Variants in RDH13 observed in about 807,000 individuals in gnomAD.
The protein encoded by RDH13 is retinol dehydrogenase 13 (all-trans and 9-cis).
Under a neutral mutation model 28.3 loss-of-function variants are expected in RDH13, and 35 were observed. The observed-to-expected ratio is 1.24, with a 90% CI of 0.95 to 1.64. RDH13 has a LOEUF of 1.64. RDH13 is among the 40% of genes most tolerant of loss of function. The probability of loss-of-function intolerance (pLI) is 0.00; values close to 1 mark genes in which losing one functional copy is unlikely to be tolerated. For synonymous variants in RDH13, 229 were observed against 198.5 expected (o/e 1.15, Z -1.29); for missense variants, 514 against 446.3 (o/e 1.15, Z -1.37).
chr19:55,047,078 G>A, intron 6 of RDH13: 2 of 1,242,980 alleles, frequency 1.6e-6, no homozygotes, highest in Non-Finnish European at 1.0e-6. Context: ...AGGAGGTGCA[G>A]CTGGTTTGGG....
rs1244063183 is a variant in RDH13, at chr19:55,048,554, T to C, written c.446-13A>G. On this transcript the variant is annotated splice_polypyrimidine_tract_variant and intron_variant, in intron 4 of 6. Coordinates refer to ENST00000415061, the MANE Select transcript of RDH13 (RefSeq NM_001145971.2). ...AAGAGAAAGTGACCTGGATTAAGGA[T>C]GATGAAAAGGTCACTTTTGACTCAC... 1.9e-6 allele frequency: 3 copies of C among 1,613,590 alleles called. No homozygotes were observed. In the Admixed American group the frequency reaches 5.0e-5, roughly 27 times the overall value.
At chr19:55,062,667 C>T (rs1335990708) in intron 1 of RDH13, among the ~76,000 whole-genome samples, 1 of 152,202 alleles carries the variant, frequency 6.6e-6, no homozygotes, top group Admixed American at 6.5e-5. Flanking sequence ...GCGACAGAGC[C>T]AGATTCTGCC....
chr19:55,051,983 C>T (rs759126390), intron 3 of RDH13, among the ~76,000 whole-genome samples: 9 of 151,774 alleles, frequency 5.9e-5, no homozygotes, highest in South Asian at 2.1e-4. Context: ...TCGCCCACCT[C>T]GGCCTCCCAA....
chr19:55,043,860 C>CT (rs1300905252), downstream of RDH13, among the ~76,000 whole-genome samples: 1 of 151,988 alleles, frequency 6.6e-6, no homozygotes, highest in East Asian at 1.9e-4. Flanking sequence ...GATGCCCGGA[C>CT]TTAAACGGTT....
chr19:55,068,173 C>G (rs943572466), intron 1 of RDH13, among the ~76,000 whole-genome samples: 2 of 151,070 alleles, frequency 1.3e-5, no homozygotes, highest in African/African-American at 4.9e-5. Flanking sequence ...TTTCCTTTGT[C>G]TCTCTCTCTC....
upstream of RDH13, chr19:55,063,297 C>A: frequency 2.6e-6 from 1 of 384,094 alleles, no homozygotes; most frequent in Non-Finnish European, 4.6e-6. Flanking sequence ...GTGGGCGTGG[C>A]TAGTCCGGGG....
intron 3 of RDH13, among the ~76,000 whole-genome samples, chr19:55,055,685 CAAAACAAT>C (rs749824289): frequency 1.9e-4 from 29 of 151,232 alleles, no homozygotes; most frequent in Non-Finnish European, 3.5e-4. Flanking sequence ...AAAAACAAAA[CAAAACAAT>C]AAAACAATAA....
upstream of RDH13, among the ~76,000 whole-genome samples, chr19:55,068,117 CTCTT>C (rs913437542): frequency 2.0e-5 from 3 of 149,006 alleles, no homozygotes; most frequent in Non-Finnish European, 3.0e-5. Flanking sequence ...TCCTGTTTCT[CTCTT>C]TCTCTTTCTT....
At chr19:55,052,013 T>C (rs963569848) in intron 3 of RDH13, among the ~76,000 whole-genome samples, 1 of 149,544 alleles carries the variant, frequency 6.7e-6, no homozygotes, top group African/African-American at 2.5e-5. Flanking sequence ...ATTGCAGGCG[T>C]GGGCCACAGT....
At chr19:55,043,697 C>T (rs2075103904), downstream of RDH13, among the ~76,000 whole-genome samples, 1 of 152,110 alleles carries the variant, frequency 6.6e-6, no homozygotes, top group Non-Finnish European at 1.5e-5. Flanking sequence ...TATTGAGTAG[C>T]ATCCCTGGCC....
rs549640480 is a variant in RDH13, at chr19:55,045,892, G to A, written c.761-583C>T. On this transcript the variant is annotated intron_variant, in intron 6 of 6. Coordinates refer to ENST00000415061, the MANE Select transcript of RDH13 (RefSeq NM_001145971.2). ...ACCTGGGAGGCGGAGGTTGCAGTGA[G>A]CTAAGATCACACCATTGCACTCCAG... is the stretch of plus-strand genomic sequence containing the variant. Among the ~76,000 whole-genome samples, 956 of 147,032 alleles carry A rather than the reference G, an allele frequency of 6.5e-3. 8 individuals carry two copies. Among genetic ancestry groups the A allele is most frequent in the South Asian group, 0.017 (80 of 4,630 alleles).
upstream of RDH13, chr19:55,063,649 G>T: frequency 6.5e-6 from 1 of 152,716 alleles, no homozygotes; most frequent in South Asian, 1.8e-4. Context: ...CTGGGTCCAA[G>T]GGAGGAGGGG....
chr19:55,063,064 G>GTCCGGC lies in RDH13; in HGVS notation c.-33_-32insGCCGGA. 2 of 1,203,838 alleles carry GTCCGGC rather than the reference G, an allele frequency of 1.7e-6. No homozygotes were observed. The highest frequency in any genetic ancestry group is 2.1e-6 in the Non-Finnish European group (2 of 971,050). 74.6% of individuals were successfully genotyped at this position (1,203,838 alleles called of 1,614,324 possible). On this transcript the variant is annotated 5_prime_UTR_variant, in exon 1 of 7. Transcript: ENST00000415061. Reference sequence around the variant, plus strand: ...CCGGGGACAGGCGTCAGGCGTCAGGGGTCGGCGCGGAGCTTGCTGCACACC... The same window carrying GTCCGGC: ...CCGGGGACAGGCGTCAGGCGTCAGGGTCCGGCGTCGGCGCGGAGCTTGCTGCACACC...
Position 55,056,732 on chromosome 19 carries a change from G to A in RDH13, c.261C>T (p.Leu87=), listed in dbSNP as rs761334851. The change falls in exon 3 of 7, where the codon CTC becomes CTT. Residue 87 remains leucine (L), a synonymous_variant. Coordinates refer to ENST00000415061, the MANE Select transcript of RDH13 (RefSeq NM_001145971.2). ...GGTGCCGGGCGTTGACATGGTGATT[G>A]AGGGTCTCCCCGCGGATGTCCTTTG... ...AAAKDIRGET[L]NHHVNARHLD... is the part of the protein sequence containing the mutation. 5 of 1,614,078 alleles carry A rather than the reference G, an allele frequency of 3.1e-6. No homozygotes were observed. Among genetic ancestry groups the A allele is most frequent in the Middle Eastern group, 1.6e-4 (1 of 6,062 alleles).
chr19:55,063,236 A>C, upstream of RDH13: 1 of 439,536 alleles, frequency 2.3e-6, no homozygotes, highest in East Asian at 3.6e-5. Context: ...GGGACCTATG[A>C]GCATCGGTCC....
At chr19:55,066,749 T>C (rs2075971095), upstream of RDH13, among the ~76,000 whole-genome samples, 1 of 150,980 alleles carries the variant, frequency 6.6e-6, no homozygotes, top group Non-Finnish European at 1.5e-5. Flanking sequence ...GTTCTCTCTC[T>C]CCCTCTCCCC....
At chr19:55,066,717 T>TTG (rs781259991), upstream of RDH13, among the ~76,000 whole-genome samples, 1 of 150,910 alleles carries the variant, frequency 6.6e-6, no homozygotes, top group Non-Finnish European at 1.5e-5. Context: ...CTCTCTCTTC[T>TTG]TGTGTGTGTC....
intron 3 of RDH13, among the ~76,000 whole-genome samples, chr19:55,054,131 C>T (rs1390102418): frequency 6.6e-6 from 1 of 152,190 alleles, no homozygotes; most frequent in African/African-American, 2.4e-5. Context: ...AAGGACAGCT[C>T]TGGTTCATCT....
In RDH13 at chr19:55,056,734, G is replaced by C. The variant is rs767024557; in HGVS notation, c.259C>G (p.Leu87Val). The C allele has an allele frequency of 1.2e-6, 2 of 1,614,076 alleles. No individual in the cohort carries two copies. Among genetic ancestry groups the C allele is most frequent in the South Asian group, 2.2e-5 (2 of 91,066 alleles). ...AAAKDIRGETLNHHVNARHLD... is the reference protein window; with the variant it reads ...AAAKDIRGETVNHHVNARHLD... ...TGCCGGGCGTTGACATGGTGATTGA[G>C]GGTCTCCCCGCGGATGTCCTTTGCT... Residue 87 changes from leucine to valine, a missense_variant, in exon 3 of 7, where the codon CTC (leucine) becomes GTC (valine). Transcript: ENST00000415061.
Sources: allele counts gnomAD v4.1 joint callset (sites outside exome capture counted in the v4.1 genomes callset), GRCh38; gene constraint gnomAD v4.1.1; transcripts MANE v1.5; gene names NCBI Gene and HGNC (gene_info 2026-07-23, HGNC 2026-07-21).